LOC400499: variants seen among roughly 807,000 people sequenced by gnomAD.
chr16:11,376,098 T>G, the LOC400499 span, among the ~76,000 whole-genome samples: 1 of 152,230 alleles, frequency 6.6e-6, no homozygotes, highest in Non-Finnish European at 1.5e-5. Context: ...GTGCTTTATG[T>G]ATTCTAGATG....
the LOC400499 span, chr16:11,392,315 A>C: frequency 2.5e-6 from 1 of 398,156 alleles, no homozygotes; most frequent in Non-Finnish European, 4.4e-6. Context: ...AGGCCCTCTC[A>C]CCTCCACATG....
chr16:11,455,347 G>T, the LOC400499 span, among the ~76,000 whole-genome samples: 1 of 152,090 alleles, frequency 6.6e-6, no homozygotes, highest in African/African-American at 2.4e-5. Context: ...GAAAAATCAA[G>T]AAATAACAGC....
the LOC400499 span, chr16:11,385,356 AG>A: frequency 8.1e-7 from 1 of 1,232,164 alleles, no homozygotes; most frequent in African/African-American, 1.6e-5. Context: ...CTGGGTGCTG[AG>A]GTCCCATACC....
chr16:11,506,613 C>T, the LOC400499 span, among the ~76,000 whole-genome samples: 74 of 152,280 alleles, frequency 4.9e-4, no homozygotes, highest in African/African-American at 1.8e-3. Flanking sequence ...CCCACTGCAC[C>T]CTTGCTTCCT....
chr16:11,473,483 C>T, the LOC400499 span, among the ~76,000 whole-genome samples: 1 of 152,060 alleles, frequency 6.6e-6, no homozygotes, highest in African/African-American at 2.4e-5. Flanking sequence ...CTCATTAAAA[C>T]AGCTCACTCA....
chr16:11,498,103 G>T, the LOC400499 span, among the ~76,000 whole-genome samples: 1 of 152,148 alleles, frequency 6.6e-6, no homozygotes, highest in Non-Finnish European at 1.5e-5. Context: ...GGAAGCACTG[G>T]GACCTGGGGG....
chr16:11,383,294 C>T, the LOC400499 span, among the ~76,000 whole-genome samples: 1 of 152,142 alleles, frequency 6.6e-6, no homozygotes, highest in East Asian at 1.9e-4. Flanking sequence ...GTCTCGATCT[C>T]CTGACCTCGT....
the LOC400499 span, chr16:11,392,371 C>G: frequency 2.5e-6 from 1 of 399,040 alleles, no homozygotes; most frequent in African/African-American, 2.1e-5. Context: ...GCAGGAGACT[C>G]TGGTTGGCAG....
At chr16:11,428,098 C>A in the LOC400499 span, among the ~76,000 whole-genome samples, 7 of 152,268 alleles carry the variant, frequency 4.6e-5, no homozygotes, top group African/African-American at 1.7e-4. Flanking sequence ...GCCCTGAGGG[C>A]GGCTGGTTGC....
the LOC400499 span, among the ~76,000 whole-genome samples, chr16:11,524,427 G>A: frequency 5.9e-5 from 8 of 134,768 alleles, no homozygotes; most frequent in East Asian, 4.6e-4. Context: ...GCTGGCTAAC[G>A]GTGGAGCCTT....
the LOC400499 span, among the ~76,000 whole-genome samples, chr16:11,507,974 G>T: frequency 0.12 from 18,259 of 152,018 alleles, 3,252 homozygotes; most frequent in African/African-American, 0.39. Flanking sequence ...CCCCCAAAAA[G>T]ATATGTCCAT....
chr16:11,513,635 T>C, the LOC400499 span, among the ~76,000 whole-genome samples: 1 of 151,850 alleles, frequency 6.6e-6, no homozygotes, highest in Non-Finnish European at 1.5e-5. Flanking sequence ...TTCTCCATGT[T>C]GGCCAGGCTG....
chr16:11,386,894 G>C, the LOC400499 span, among the ~76,000 whole-genome samples: 1 of 152,214 alleles, frequency 6.6e-6, no homozygotes, highest in Non-Finnish European at 1.5e-5. Context: ...CTGGCCTGAA[G>C]CCCTAAACCA....
the LOC400499 span, among the ~76,000 whole-genome samples, chr16:11,412,453 G>A: frequency 3.3e-5 from 5 of 152,178 alleles, no homozygotes; most frequent in African/African-American, 1.2e-4. Flanking sequence ...TCAACAAGTG[G>A]CTTACTCACC....
the LOC400499 span, among the ~76,000 whole-genome samples, chr16:11,496,119 T>G: frequency 6.6e-6 from 1 of 150,584 alleles, no homozygotes; most frequent in Non-Finnish European, 1.5e-5. Flanking sequence ...CAGGCTGGAG[T>G]CCAGTGGCAC....
At chr16:11,410,343 A>G in the LOC400499 span, among the ~76,000 whole-genome samples, 2 of 152,054 alleles carry the variant, frequency 1.3e-5, no homozygotes, top group Non-Finnish European at 2.9e-5. Context: ...CATTCCAGCT[A>G]CTCAGGAGGC....
At chr16:11,375,857 G>A in the LOC400499 span, among the ~76,000 whole-genome samples, 3 of 151,468 alleles carry the variant, frequency 2.0e-5, no homozygotes, top group South Asian at 6.3e-4. Context: ...AGCCTCCCAA[G>A]TAGCTGGGAT....
chr16:11,502,506 T>A, the LOC400499 span, among the ~76,000 whole-genome samples: 2 of 152,228 alleles, frequency 1.3e-5, no homozygotes, highest in Non-Finnish European at 2.9e-5. Context: ...TGGCATCTAA[T>A]AAAACCCCAA....
the LOC400499 span, among the ~76,000 whole-genome samples, chr16:11,461,783 C>G: frequency 6.6e-6 from 1 of 152,150 alleles, no homozygotes; most frequent in Admixed American, 6.5e-5. Context: ...AGCGGCACAC[C>G]CAGGCGCCAC....
Sources: allele counts gnomAD v4.1 joint callset (sites outside exome capture counted in the v4.1 genomes callset), GRCh38; gene constraint gnomAD v4.1.1; transcripts MANE v1.5.